The following MACROD2 variants were observed in gnomAD, a reference collection of about 807,000 sequenced individuals.
MACROD2 encodes the protein mono-ADP ribosylhydrolase 2.
In MACROD2, 36 loss-of-function variants were observed where a neutral mutation model predicts 70.4. That is an observed-to-expected ratio of 0.51 (90% confidence interval 0.39 to 0.68). MACROD2 has a LOEUF of 0.68. Among genes scored for constraint, MACROD2 ranks in the 30% least tolerant of loss-of-function variants. MACROD2 has a pLI of 0.00. For missense variants in MACROD2, 496 were observed against 538.4 expected (o/e 0.92, Z 0.78); for synonymous variants, 172 against 178.8 (o/e 0.96, Z 0.30).
intron 7 of MACROD2, among the ~76,000 whole-genome samples, chr20:15,472,216 T>C (rs1437038472): frequency 1.3e-5 from 2 of 152,214 alleles, no homozygotes; most frequent in African/African-American, 4.8e-5. Flanking sequence ...ACACTATCTC[T>C]TCTTTTTTGA....
intron 3 of MACROD2, among the ~76,000 whole-genome samples, chr20:14,336,730 G>C (rs1017523427): frequency 6.6e-6 from 1 of 152,154 alleles, no homozygotes; most frequent in African/African-American, 2.4e-5. Context: ...ACTTGCCTAA[G>C]CAATGGATTT....
chr20:15,772,643 A>T (rs1204025342), intron 8 of MACROD2, among the ~76,000 whole-genome samples: 1 of 152,238 alleles, frequency 6.6e-6, no homozygotes, highest in East Asian at 1.9e-4. Flanking sequence ...AAGCCTCAGG[A>T]AACCCACAAT....
intron 5 of MACROD2, among the ~76,000 whole-genome samples, chr20:14,880,425 A>G (rs2073598077): frequency 6.6e-6 from 1 of 152,206 alleles, no homozygotes; most frequent in Non-Finnish European, 1.5e-5. Flanking sequence ...ATCACTGCAC[A>G]CTGATTTGGA....
Position 14,702,047 on chromosome 20 carries a change from A to G in MACROD2, c.418+17088A>G, listed in dbSNP as rs149220610. ...AAATAAGATTTCCTCTCATCCCTAG[A>G]CATGAACATGAAGATTTGCTTATAT... On this transcript the variant is annotated intron_variant, in intron 5 of 17. Transcript: ENST00000684519. Among the ~76,000 whole-genome samples the G allele has an allele frequency of 2.7e-3, 410 of 152,226 alleles. 1 individual carries two copies. The highest frequency in any genetic ancestry group is 9.2e-3 in the African/African-American group (381 of 41,536).
At chr20:14,063,260 GTTTAA>G (rs2053710854) in intron 2 of MACROD2, among the ~76,000 whole-genome samples, 1 of 152,126 alleles carries the variant, frequency 6.6e-6, no homozygotes, top group African/African-American at 2.4e-5. Context: ...TGATTCCATG[GTTTAA>G]TTTAAAAAGA....
At chr20:15,270,667 A>G (rs1018281822) in intron 6 of MACROD2, among the ~76,000 whole-genome samples, 5 of 152,206 alleles carry the variant, frequency 3.3e-5, no homozygotes, top group Non-Finnish European at 4.4e-5. Flanking sequence ...TGGGAACGGT[A>G]TTAGAGCTTC....
At chr20:14,560,898 T>C (rs1979390555) in intron 4 of MACROD2, among the ~76,000 whole-genome samples, 1 of 151,928 alleles carries the variant, frequency 6.6e-6, no homozygotes, top group Non-Finnish European at 1.5e-5. Flanking sequence ...ATGAATAGAC[T>C]TTAGAATTTG....
chr20:14,431,582 A>G (rs904296394), intron 3 of MACROD2, among the ~76,000 whole-genome samples: 9 of 152,228 alleles, frequency 5.9e-5, no homozygotes, highest in African/African-American at 1.9e-4. Context: ...TCTGAATTAT[A>G]GTAATTGGTG....
At chr20:15,234,009 A>ATTTTTTTTT (rs1342277075) in intron 6 of MACROD2, among the ~76,000 whole-genome samples, 9 of 39,994 alleles carry the variant, frequency 2.3e-4, no homozygotes, top group Admixed American at 4.1e-4. Context: ...ATATATATAT[A>ATTTTTTTTT]TTCTTTTTTT....
At chr20:14,846,040 T>C (rs879359239) in intron 5 of MACROD2, among the ~76,000 whole-genome samples, 1 of 152,104 alleles carries the variant, frequency 6.6e-6, no homozygotes, top group Non-Finnish European at 1.5e-5. Context: ...CTATGGCTAA[T>C]ATTTATTTCA....
At chr20:14,437,859 TAA>T (rs1038335634) in intron 3 of MACROD2, among the ~76,000 whole-genome samples, 12 of 152,172 alleles carry the variant, frequency 7.9e-5, no homozygotes, top group African/African-American at 2.9e-4. Context: ...CAAAACATTA[TAA>T]GACACATCTA....
chr20:15,538,981 A>G (rs1034943306), intron 8 of MACROD2, among the ~76,000 whole-genome samples: 3 of 152,148 alleles, frequency 2.0e-5, no homozygotes, highest in African/African-American at 7.2e-5. Context: ...TAATATGTCT[A>G]TATCGCATAA....
At chr20:14,700,111 T>G (rs28515093) in intron 5 of MACROD2, among the ~76,000 whole-genome samples, 198 of 151,124 alleles carry the variant, frequency 1.3e-3, no homozygotes, top group African/African-American at 4.4e-3. Flanking sequence ...AAAGTTTAAA[T>G]TTTAAATCTA....
At chr20:14,705,732 T>C (rs1172011701) in intron 5 of MACROD2, among the ~76,000 whole-genome samples, 4 of 152,214 alleles carry the variant, frequency 2.6e-5, no homozygotes, top group Admixed American at 6.5e-5. Flanking sequence ...ATAAGGACTT[T>C]AATTCTAAAT....
In MACROD2 at chr20:15,066,650, C is replaced by A. The variant is rs749800474; in HGVS notation, c.419-163290C>A. On this transcript the variant is annotated intron_variant, in intron 5 of 17. Transcript: ENST00000684519. Reference sequence around the variant, plus strand: ...ACCCCAGCATTTTGGGAGGCCGAGGCGGGTAGATTGACTGAGCTAGGGAGT... The same window carrying A: ...ACCCCAGCATTTTGGGAGGCCGAGGAGGGTAGATTGACTGAGCTAGGGAGT... Among the ~76,000 whole-genome samples, 5 of 152,006 alleles carry A rather than the reference C, an allele frequency of 3.3e-5. No homozygotes were observed. The East Asian group carries it at 9.8e-4, about 30-fold the overall frequency.
At chr20:15,813,212 C>A (rs975246748) in intron 8 of MACROD2, among the ~76,000 whole-genome samples, 1 of 152,086 alleles carries the variant, frequency 6.6e-6, no homozygotes. Flanking sequence ...AACTCAAAAC[C>A]ATTGGACATT....
chr20:15,107,101 G>A (rs1413483997), intron 5 of MACROD2, among the ~76,000 whole-genome samples: 2 of 150,764 alleles, frequency 1.3e-5, no homozygotes, highest in Non-Finnish European at 2.9e-5. Context: ...TTTTAAACAA[G>A]TATTACAGCT....
chr20:16,012,952 C>T (rs139450126), intron 15 of MACROD2, among the ~76,000 whole-genome samples: 255 of 152,212 alleles, frequency 1.7e-3, no homozygotes, highest in Non-Finnish European at 3.0e-3. Flanking sequence ...GAGGCTGAAG[C>T]GGATGGATCA....
At chr20:15,891,451 G>A (rs2064888455) in intron 10 of MACROD2, among the ~76,000 whole-genome samples, 2 of 152,202 alleles carry the variant, frequency 1.3e-5, no homozygotes, top group Admixed American at 6.5e-5. Flanking sequence ...TCTGGTTTAT[G>A]TTTCAAAAGC....
Sources: gnomAD v4.1 joint callset for allele counts (sites outside exome capture counted in the v4.1 genomes callset) on GRCh38, gnomAD v4.1.1 for gene constraint, MANE v1.5 for transcripts, NCBI Gene and HGNC (gene_info 2026-07-23, HGNC 2026-07-21) for gene names.